The following RRAGB variants were observed in gnomAD, a reference collection of about 807,000 sequenced individuals.
RRAGB encodes the protein Ras related GTP binding B.
In RRAGB, 6 loss-of-function variants were observed where a neutral mutation model predicts 29.3. The observed-to-expected ratio is 0.21, with a 90% CI of 0.11 to 0.40. The LOEUF is 0.40. Among genes scored for constraint, RRAGB ranks in the 10% least tolerant of loss-of-function variants. The probability of loss-of-function intolerance (pLI) is 1.00; values close to 1 mark genes in which losing one functional copy is unlikely to be tolerated. For synonymous variants in RRAGB, 101 were observed against 92.5 expected (o/e 1.09, Z -0.53); for missense variants, 184 against 272.9 (o/e 0.67, Z 2.29).
intron 5 of RRAGB, among the ~76,000 whole-genome samples, chrX:55,749,949 GTTTC>G (rs1288540879): frequency 2.0e-5 from 2 of 99,200 alleles, no homozygotes; most frequent in Non-Finnish European, 4.0e-5. Flanking sequence ...TTGTTCACTT[GTTTC>G]TTTGTTCACT....
intron 9 of RRAGB, 36 bp downstream of exon 9, chrX:55,757,367 A>C (rs751403649): frequency 1.2e-5 from 10 of 823,773 alleles, no homozygotes; most frequent in Non-Finnish European, 1.8e-5. Flanking sequence ...GTTCAAAGCC[A>C]CATACTCTTT....
intron 5 of RRAGB, among the ~76,000 whole-genome samples, chrX:55,748,801 G>A (rs1301441277): frequency 1.9e-5 from 2 of 103,120 alleles, no homozygotes; most frequent in African/African-American, 3.6e-5. Context: ...TCAGCCCCCC[G>A]CCTGGCCAGC....
At chrX:55,731,180 T>A (rs1468028903) in intron 4 of RRAGB, among the ~76,000 whole-genome samples, 184 bp from the exon 5 acceptor site, 1 of 111,565 alleles carries the variant, frequency 9.0e-6, no homozygotes, top group African/African-American at 3.3e-5. Flanking sequence ...TGCAAACTTC[T>A]TTTGTTGGCT....
rs1229392572 is a variant in RRAGB at position 55,757,826 on chromosome X, T to G, written c.944-420T>G. ...GTACCACATTCTCATATTTCTGTTA[T>G]GGGCATGAAGGGGTGTTTGATGCTT... On this transcript the variant is annotated intron_variant, in intron 9 of 9. Coordinates refer to ENST00000374941, the MANE Select transcript of RRAGB (RefSeq NM_006064.5). 1.3e-4 allele frequency among the ~76,000 whole-genome samples: 15 copies of G among 111,763 alleles called. No individual in the cohort carries two copies. The Admixed American group carries it at 1.4e-3, about 11-fold the overall frequency.
At chrX:55,723,077 G>A (rs753209204) in intron 3 of RRAGB, among the ~76,000 whole-genome samples, 1 of 111,622 alleles carries the variant, frequency 9.0e-6, no homozygotes, top group Non-Finnish European at 1.9e-5. Flanking sequence ...CCTCATTTCT[G>A]TTATTATCGT....
At chrX:55,743,560 T>G (rs1254783671) in intron 5 of RRAGB, among the ~76,000 whole-genome samples, 1 of 112,779 alleles carries the variant, frequency 8.9e-6, no homozygotes, top group Non-Finnish European at 1.9e-5. Context: ...ACCTGCATGG[T>G]TGGAGAAAGG....
chrX:55,752,405 A>G, intron 6 of RRAGB: 1 of 738,167 alleles, frequency 1.4e-6, no homozygotes, highest in Non-Finnish European at 1.6e-6. Context: ...CTCCAAGGTA[A>G]ATTCAGCAGT....
At chrX:55,751,374 G>A in intron 6 of RRAGB, 178 bp downstream of exon 6, 1 of 365,631 alleles carries the variant, frequency 2.7e-6, no homozygotes, top group Non-Finnish European at 4.7e-6. Flanking sequence ...TAAGAGACTT[G>A]GGTTTTGATC....
intron 6 of RRAGB, among the ~76,000 whole-genome samples, chrX:55,753,179 G>A (rs2034568360): frequency 2.7e-5 from 3 of 112,104 alleles, no homozygotes; most frequent in African/African-American, 9.7e-5. Context: ...AAAAGTGTTT[G>A]AACTTAAAAA....
intron 3 of RRAGB, chrX:55,727,193 A>G: frequency 1.5e-6 from 1 of 667,461 alleles, no homozygotes; most frequent in Non-Finnish European, 2.1e-6. Context: ...ATATGGGAGT[A>G]GAAACCTGAT....
chrX:55,753,966 A>G (rs1196774439), intron 7 of RRAGB, among the ~76,000 whole-genome samples: 2 of 111,117 alleles, frequency 1.8e-5, no homozygotes, highest in Non-Finnish European at 3.8e-5. Flanking sequence ...AATCGCTTGA[A>G]CTCGGGAGGC....
At chrX:55,745,833 C>T (rs746130354) in intron 5 of RRAGB, among the ~76,000 whole-genome samples, 68 of 111,860 alleles carry the variant, frequency 6.1e-4, no homozygotes, top group African/African-American at 2.1e-3. Flanking sequence ...GGGAAAATAA[C>T]CCACAAGAAG....
At chrX:55,753,876 C>T (rs938496264) in intron 7 of RRAGB, among the ~76,000 whole-genome samples, 6 of 111,651 alleles carry the variant, frequency 5.4e-5, no homozygotes, top group Non-Finnish European at 9.4e-5. Context: ...GAAACCCCGT[C>T]TCTACCAAAA....
chrX:55,749,390 C>T (rs1275131304), intron 5 of RRAGB, among the ~76,000 whole-genome samples: 44 of 99,644 alleles, frequency 4.4e-4, no homozygotes, highest in African/African-American at 1.4e-3. Flanking sequence ...CCCGGTCAGC[C>T]GCCCCGTCCG....
Position 55,758,455 on chromosome X carries a change from T to A in RRAGB, c.*112T>A. On this transcript the variant is annotated 3_prime_UTR_variant, in exon 10 of 10. Coordinates refer to ENST00000374941, the MANE Select transcript of RRAGB (RefSeq NM_006064.5). Reference sequence around the variant, plus strand: ...GCTTATTGCTTCTGTATTTCTTCTCTACTCCCTAGTCTTAATGTTTAACCT... The same window carrying A: ...GCTTATTGCTTCTGTATTTCTTCTCAACTCCCTAGTCTTAATGTTTAACCT... The A allele has an allele frequency of 2.2e-6, 1 of 458,984 alleles. No homozygotes were observed. Among genetic ancestry groups the A allele is most frequent in the Non-Finnish European group, 3.7e-6 (1 of 271,379 alleles). 37.8% of individuals were successfully genotyped at this position (458,984 alleles called of 1,213,427 possible).
At chrX:55,724,845 T>A (rs1664053363) in intron 3 of RRAGB, among the ~76,000 whole-genome samples, 1 of 111,952 alleles carries the variant, frequency 8.9e-6, no homozygotes, top group Non-Finnish European at 1.9e-5. Flanking sequence ...CTAGGAAGTA[T>A]CAGAGCTGGA....
chrX:55,719,855 G>A (rs763022565), intron 2 of RRAGB, among the ~76,000 whole-genome samples: 6 of 112,297 alleles, frequency 5.3e-5, no homozygotes, highest in Non-Finnish European at 7.5e-5. Flanking sequence ...TGTGCCCTAC[G>A]TTGGGGTTTA....
chrX:55,738,399 G>T (rs777769042), intron 5 of RRAGB, among the ~76,000 whole-genome samples: 9 of 112,187 alleles, frequency 8.0e-5, no homozygotes, highest in South Asian at 3.7e-4. Context: ...GGACCAAGCT[G>T]TCCTGCCCTC....
At chrX:55,753,697 A>G (rs749685624) in intron 7 of RRAGB, among the ~76,000 whole-genome samples, 183 bp downstream of exon 7, 17 of 112,588 alleles carry the variant, frequency 1.5e-4, no homozygotes, top group Non-Finnish European at 3.2e-4. Context: ...TTTGGTGTGT[A>G]GCTCTTTGGA....
Sources: gnomAD v4.1 joint callset for allele counts (sites outside exome capture counted in the v4.1 genomes callset) on GRCh38, gnomAD v4.1.1 for gene constraint, MANE v1.5 for transcripts, NCBI Gene and HGNC (gene_info 2026-07-23, HGNC 2026-07-21) for gene names.